CNTN4: variants seen among roughly 807,000 people sequenced by gnomAD.
The protein encoded by CNTN4 is contactin 4, also known as contactin-4.
A neutral mutation model predicts 122.5 loss-of-function variants in CNTN4; 77 were observed. The observed-to-expected ratio is 0.63, with a 90% CI of 0.52 to 0.76. CNTN4 has a LOEUF of 0.76. CNTN4 is among the 30% of genes least tolerant of loss of function. CNTN4 has a pLI of 0.00. For missense variants in CNTN4, 1,256 were observed against 1,259.1 expected, an observed-to-expected ratio of 1.00 and a Z score of 0.04; for synonymous variants, 512 against 447.0, an observed-to-expected ratio of 1.15 and a Z score of -1.83.
At chr3:3,007,666 T>C (rs886247811) in intron 14 of CNTN4, among the ~76,000 whole-genome samples, 1 of 152,158 alleles carries the variant, frequency 6.6e-6, no homozygotes, top group Non-Finnish European at 1.5e-5. Context: ...AAAGAGAGAA[T>C]ACCAGTGTGG....
intron 3 of CNTN4, among the ~76,000 whole-genome samples, chr3:2,341,564 C>A (rs952101834): frequency 1.3e-5 from 2 of 152,162 alleles, no homozygotes; most frequent in African/African-American, 4.8e-5. Flanking sequence ...GGTAGGTTTC[C>A]TCTCATTTTG....
chr3:2,103,953 C>T lies in CNTN4; in HGVS notation c.-145+3314C>T, dbSNP rs1419910239. 5.3e-5 allele frequency among the ~76,000 whole-genome samples: 8 copies of T among 152,206 alleles called. No individual in the cohort carries two copies. The East Asian group carries it at 1.5e-3, about 29-fold the overall frequency. Reference sequence around the variant, plus strand: ...TGTAGTGGTCAATAGTAAGCGTATACTTTTTGCTAAGATAGTTATTGTTTC... The same window carrying T: ...TGTAGTGGTCAATAGTAAGCGTATATTTTTTGCTAAGATAGTTATTGTTTC... On this transcript the variant is annotated intron_variant, in intron 2 of 24. Transcript: ENST00000418658.
At chr3:2,267,589 A>G (rs1250175520) in intron 2 of CNTN4, among the ~76,000 whole-genome samples, 1 of 152,100 alleles carries the variant, frequency 6.6e-6, no homozygotes, top group Non-Finnish European at 1.5e-5. Context: ...TGACAATTTG[A>G]AAGCATAGAA....
At chr3:2,591,267 T>C (rs1021522703) in intron 4 of CNTN4, among the ~76,000 whole-genome samples, 8 of 152,024 alleles carry the variant, frequency 5.3e-5, no homozygotes, top group African/African-American at 1.5e-4. Context: ...TATTATAAGC[T>C]GATAAAGTCC....
At chr3:2,873,091 A>G (rs1418259406) in intron 8 of CNTN4, among the ~76,000 whole-genome samples, 1 of 152,222 alleles carries the variant, frequency 6.6e-6, no homozygotes, top group African/African-American at 2.4e-5. Context: ...GTCCAGGACT[A>G]AAGTCAAGAG....
At chr3:2,899,298 A>C (rs2094147424) in intron 10 of CNTN4, among the ~76,000 whole-genome samples, 1 of 152,220 alleles carries the variant, frequency 6.6e-6, no homozygotes, top group South Asian at 2.1e-4. Context: ...GGATGATTTG[A>C]AACATTGTTG....
At chr3:2,995,022 C>A (rs1357180351) in intron 14 of CNTN4, among the ~76,000 whole-genome samples, 1 of 152,118 alleles carries the variant, frequency 6.6e-6, no homozygotes, top group Non-Finnish European at 1.5e-5. Flanking sequence ...AGGATTAACA[C>A]AAATTGTGAC....
intron 14 of CNTN4, among the ~76,000 whole-genome samples, chr3:3,009,574 C>T (rs1457197004): frequency 7.9e-6 from 1 of 126,452 alleles, no homozygotes; most frequent in East Asian, 2.1e-4. Flanking sequence ...GCTGGGACTA[C>T]AGGCGCCCGC....
intron 2 of CNTN4, among the ~76,000 whole-genome samples, chr3:2,196,729 G>A (rs973636302): frequency 1.1e-4 from 16 of 152,006 alleles, no homozygotes; most frequent in African/African-American, 3.6e-4. Flanking sequence ...TCTAAGCAGT[G>A]ATCCATTTCT....
intron 16 of CNTN4, among the ~76,000 whole-genome samples, chr3:3,032,870 C>A (rs925453123): frequency 6.6e-6 from 1 of 152,110 alleles, no homozygotes; most frequent in African/African-American, 2.4e-5. Context: ...GTCCACTTCC[C>A]TAAAACAAAG....
At chr3:2,276,454 G>A (rs140488030) in intron 2 of CNTN4, among the ~76,000 whole-genome samples, 1,549 of 152,242 alleles carry the variant, frequency 0.01, 24 homozygotes, top group African/African-American at 0.036. Context: ...GATTACAGGC[G>A]TGAGCCACTG....
intron 10 of CNTN4, among the ~76,000 whole-genome samples, chr3:2,899,813 G>T (rs75077928): frequency 1.3e-5 from 2 of 152,028 alleles, no homozygotes; most frequent in Non-Finnish European, 2.9e-5. Flanking sequence ...AAGATTTGGG[G>T]TTCTAGGGTC....
Position 2,502,088 on chromosome 3 carries a change from A to G in CNTN4, c.-88-69328A>G, listed in dbSNP as rs1028675592. The stretch of plus-strand genomic sequence containing the variant: ...TATATGCAAATATTCCAAAATCCAA[A>G]AATTTTTGAAATTTGAAACACCTCT... On this transcript the variant is annotated intron_variant, in intron 3 of 24. Coordinates refer to ENST00000418658, the MANE Select transcript of CNTN4 (RefSeq NM_175607.3). Among the ~76,000 whole-genome samples, 5 of 152,134 alleles carry G rather than the reference A, an allele frequency of 3.3e-5. No homozygotes were observed. In the South Asian group the frequency reaches 1.0e-3, roughly 31 times the overall value.
chr3:2,990,217 T>A (rs115946918), intron 14 of CNTN4, among the ~76,000 whole-genome samples: 1 of 152,214 alleles, frequency 6.6e-6, no homozygotes, highest in Non-Finnish European at 1.5e-5. Flanking sequence ...TGGTAATCCA[T>A]GCTAAGCGAT....
intron 6 of CNTN4, among the ~76,000 whole-genome samples, chr3:2,797,471 G>T (rs548293139): frequency 6.6e-6 from 1 of 152,232 alleles, no homozygotes; most frequent in Non-Finnish European, 1.5e-5. Context: ...GGTGGTGGGC[G>T]CCTGTAATCC....
chr3:2,340,239 A>C (rs1040042977), intron 3 of CNTN4, among the ~76,000 whole-genome samples: 1 of 152,300 alleles, frequency 6.6e-6, no homozygotes, highest in African/African-American at 2.4e-5. Flanking sequence ...GTGAAATTAA[A>C]GTTAATTATT....
chr3:2,732,632 A>G (rs981779500), intron 4 of CNTN4, among the ~76,000 whole-genome samples: 9 of 152,058 alleles, frequency 5.9e-5, no homozygotes, highest in African/African-American at 2.2e-4. Flanking sequence ...AAACTTAGGG[A>G]TGCCTCTCCC....
intron 4 of CNTN4, among the ~76,000 whole-genome samples, chr3:2,646,454 G>A (rs746490999): frequency 2.0e-4 from 31 of 152,086 alleles, no homozygotes; most frequent in Non-Finnish European, 3.4e-4. Flanking sequence ...TTTTTACCTC[G>A]TATAATCGTG....
rs17011785 is a variant in CNTN4, at chr3:2,285,069, G to A, written c.-144-54109G>A. Among the ~76,000 whole-genome samples, 1,226 of 151,958 alleles carry A rather than the reference G, an allele frequency of 8.1e-3. 18 individuals are homozygous for A. The highest frequency in any genetic ancestry group is 0.028 in the African/African-American group (1,161 of 41,508). Reference sequence around the variant, plus strand: ...AGAGAGACAAATGATACAAATTTTAGAATGAGGACTGCTCAGTCTGCATAA... The same window carrying A: ...AGAGAGACAAATGATACAAATTTTAAAATGAGGACTGCTCAGTCTGCATAA... On this transcript the variant is annotated intron_variant, in intron 2 of 24. Coordinates refer to ENST00000418658, the MANE Select transcript of CNTN4 (RefSeq NM_175607.3).
Sources: allele counts gnomAD v4.1 joint callset (sites outside exome capture counted in the v4.1 genomes callset), GRCh38; gene constraint gnomAD v4.1.1; transcripts MANE v1.5; gene names NCBI Gene and HGNC (gene_info 2026-07-23, HGNC 2026-07-21).